ANKRD26: variants seen among roughly 807,000 people sequenced by gnomAD.
ANKRD26 encodes the protein ankyrin repeat domain 26.
ANKRD26 carries 141 observed loss-of-function variants against 208.7 expected under a neutral mutation model. The observed-to-expected ratio is 0.68, with a 90% CI of 0.59 to 0.78. The LOEUF (loss-of-function observed/expected upper bound fraction) is 0.78. Among genes scored for constraint, ANKRD26 ranks in the 30% least tolerant of loss-of-function variants. The pLI is 0.00. For missense variants in ANKRD26, 1,889 were observed against 1,938.7 expected (o/e 0.97, Z 0.48); for synonymous variants, 636 against 660.4 (o/e 0.96, Z 0.57).
At chr10:27,100,017 CA>C in intron 1 of ANKRD26, 67 bp downstream of exon 1, 1 of 1,606,184 alleles carries the variant, frequency 6.2e-7, no homozygotes. Context: ...GTGGCTCCCA[CA>C]AAAGGGGCCC....
intron 27 of ANKRD26, among the ~76,000 whole-genome samples, chr10:27,026,473 A>G (rs1384632483): frequency 1.3e-5 from 2 of 152,220 alleles, no homozygotes; most frequent in Non-Finnish European, 2.9e-5. Flanking sequence ...AAGTAGGACT[A>G]ACACATGAAA....
At chr10:27,058,686 C>T (rs1454935821) in intron 15 of ANKRD26, among the ~76,000 whole-genome samples, 1 of 151,950 alleles carries the variant, frequency 6.6e-6, no homozygotes, top group Non-Finnish European at 1.5e-5. Flanking sequence ...AGCAATTCTC[C>T]TGCCTCAGCC....
At chr10:27,093,913 ACCCAAATCTCATCTT>A in intron 1 of ANKRD26, 114 bp from the exon 2 acceptor site, 1 of 840,350 alleles carries the variant, frequency 1.2e-6, no homozygotes, top group East Asian at 4.1e-5. Context: ...CTGTGTCCCC[ACCCAAATCTCATCTT>A]GGCTGTGTCC....
chr10:27,093,884 G>T, intron 1 of ANKRD26, 85 bp from the exon 2 acceptor site: 2 of 1,109,518 alleles, frequency 1.8e-6, no homozygotes, highest in Non-Finnish European at 2.7e-6. Context: ...ACATTAAATA[G>T]CATGTTGATA....
chr10:27,053,788 T>C (rs2054746201), intron 15 of ANKRD26, among the ~76,000 whole-genome samples: 1 of 152,118 alleles, frequency 6.6e-6, no homozygotes. Context: ...CCAACATAAA[T>C]AAGCTAAACT....
chr10:26,961,354 A>C, the ANKRD26 span, among the ~76,000 whole-genome samples: 1 of 152,234 alleles, frequency 6.6e-6, no homozygotes, highest in Non-Finnish European at 1.5e-5. Context: ...ATAAAATAAA[A>C]TTCTGTCCCC....
intron 21 of ANKRD26, 126 bp from the exon 22 acceptor site, chr10:27,038,180 C>T (rs1276782537): frequency 2.4e-5 from 19 of 788,058 alleles, no homozygotes; most frequent in Middle Eastern, 3.7e-4. Context: ...AATATTTTTC[C>T]TTTCTAGTTC....
At chr10:26,995,157 A>G (rs796547341) in intron 4 of ANKRD26, 52 of 471,186 alleles carry the variant, frequency 1.1e-4, no homozygotes, top group African/African-American at 9.6e-4. Context: ...CCTGGAATAG[A>G]GTGGCAGGAT....
chr10:27,082,918 C>G, intron 5 of ANKRD26, 85 bp from the exon 6 acceptor site: 1 of 1,488,690 alleles, frequency 6.7e-7, no homozygotes, highest in Non-Finnish European at 9.1e-7. Context: ...TAGTTTGTTA[C>G]AAAGTATCCC....
rs778821304 is a variant in ANKRD26 at position 27,037,246 on chromosome 10, C to A, written c.2637G>T (p.Leu879=). ...CCTTTTGTTTGGAAAGGTGATTGGT[C>A]AGAATTCCATCTTGTAACATTCTGG... ...QNARMLQDGI[L]TNHLSKQKEI... Residue 879 remains leucine, a synonymous_variant, in exon 23 of 34, where the codon CTG becomes CTT. Coordinates refer to ENST00000376087, the MANE Select transcript of ANKRD26 (RefSeq NM_014915.3). 1 of 1,613,722 alleles carries A rather than the reference C, an allele frequency of 6.2e-7. No individual in the cohort carries two copies. The highest frequency in any genetic ancestry group is 1.3e-5 in the African/African-American group (1 of 74,904).
the ANKRD26 span, among the ~76,000 whole-genome samples, chr10:26,966,730 A>AT: frequency 1.8e-4 from 27 of 152,362 alleles, no homozygotes; most frequent in East Asian, 5.2e-3. Context: ...GATGATGAGC[A>AT]TGCAGAATCT....
intron 21 of ANKRD26, 32 bp from the exon 22 acceptor site, chr10:27,038,086 T>C (rs1589257794): frequency 6.4e-7 from 1 of 1,568,266 alleles, no homozygotes; most frequent in South Asian, 1.1e-5. Context: ...TTAAAATCTG[T>C]ATTGTTACAA....
intron 20 of ANKRD26, among the ~76,000 whole-genome samples, chr10:27,042,933 A>C (rs1589268354): frequency 6.7e-6 from 1 of 148,462 alleles, no homozygotes; most frequent in Admixed American, 6.7e-5. Context: ...AGCCTGATTG[A>C]CAGAGTGAAA....
chr10:26,986,489 G>A (rs1177407056), intron 3 of ANKRD26, among the ~76,000 whole-genome samples: 1 of 152,200 alleles, frequency 6.6e-6, no homozygotes, highest in Admixed American at 6.5e-5. Flanking sequence ...AGAGTGAACA[G>A]GCAACCTACA....
At chr10:27,056,614 C>A (rs1295798762) in intron 15 of ANKRD26, among the ~76,000 whole-genome samples, 1 of 151,740 alleles carries the variant, frequency 6.6e-6, no homozygotes, top group East Asian at 2.0e-4. Context: ...CCTGTCTCTA[C>A]TAAAAATACA....
the ANKRD26 span, among the ~76,000 whole-genome samples, chr10:26,958,076 T>TATAC: frequency 6.7e-6 from 1 of 148,324 alleles, no homozygotes; most frequent in South Asian, 2.1e-4. Flanking sequence ...CCCAGTTTTA[T>TATAC]ATATATATAT....
intron 3 of ANKRD26, among the ~76,000 whole-genome samples, chr10:26,985,128 A>G (rs1008209500): frequency 6.6e-6 from 1 of 150,806 alleles, no homozygotes; most frequent in African/African-American, 2.5e-5. Context: ...ATACTTTTAA[A>G]CTGGAGATAA....
At chr10:27,066,700 G>A (rs2055261216) in intron 10 of ANKRD26, 152 bp from the exon 11 acceptor site, 7 of 557,046 alleles carry the variant, frequency 1.3e-5, no homozygotes. Context: ...CAAGGTTGAT[G>A]CAGTCTCAGG....
At chr10:27,032,606 A>G (rs1394119812) in intron 25 of ANKRD26, among the ~76,000 whole-genome samples, 2 of 151,200 alleles carry the variant, frequency 1.3e-5, no homozygotes, top group African/African-American at 4.9e-5. Context: ...ACTGCACGCC[A>G]GCCTGGGCTA....
Sources: allele counts gnomAD v4.1 joint callset (sites outside exome capture counted in the v4.1 genomes callset), GRCh38; gene constraint gnomAD v4.1.1; transcripts MANE v1.5; gene names NCBI Gene and HGNC (gene_info 2026-07-23, HGNC 2026-07-21).